Variants in DCC observed in about 807,000 individuals in gnomAD.
DCC encodes the protein DCC netrin 1 receptor.
DCC carries 58 observed loss-of-function variants against 172.5 expected under a neutral mutation model. The ratio of observed to expected loss-of-function variants is 0.34; its 90% CI spans 0.27 to 0.42. DCC has a LOEUF of 0.42. DCC is among the 10% of genes least tolerant of loss of function. DCC has a pLI of 1.00. For synonymous variants in DCC, 709 were observed against 644.5 expected (o/e 1.10, Z -1.52); for missense variants, 1,740 against 1,791.0 (o/e 0.97, Z 0.51).
intron 1 of DCC, among the ~76,000 whole-genome samples, chr18:52,437,341 T>C (rs971376889): frequency 1.3e-5 from 2 of 152,080 alleles, no homozygotes; most frequent in African/African-American, 4.8e-5. Context: ...ACTGGGGCTC[T>C]CCACAGGCTG....
chr18:52,448,855 T>C (rs1437846840), intron 1 of DCC, among the ~76,000 whole-genome samples: 1 of 152,216 alleles, frequency 6.6e-6, no homozygotes, highest in African/African-American at 2.4e-5. Flanking sequence ...TTAAAATGAT[T>C]TTGGAAAATA....
intron 2 of DCC, among the ~76,000 whole-genome samples, chr18:52,837,966 C>T (rs906404441): frequency 1.3e-5 from 2 of 152,074 alleles, no homozygotes; most frequent in Non-Finnish European, 2.9e-5. Context: ...AATGAATGCC[C>T]AGTGAAGGGG....
chr18:52,679,670 A>G (rs2035709499), intron 1 of DCC, among the ~76,000 whole-genome samples: 1 of 152,082 alleles, frequency 6.6e-6, no homozygotes, highest in Non-Finnish European at 1.5e-5. Context: ...ACAAAGTACC[A>G]CTTAGCCTTA....
intron 26 of DCC, among the ~76,000 whole-genome samples, chr18:53,489,787 C>A (rs1415966203): frequency 6.6e-6 from 1 of 152,156 alleles, no homozygotes; most frequent in Admixed American, 6.5e-5. Context: ...TATTCGCTGA[C>A]CTATCAGTAA....
At chr18:52,561,300 G>T (rs1598914339) in intron 1 of DCC, among the ~76,000 whole-genome samples, 1 of 151,612 alleles carries the variant, frequency 6.6e-6, no homozygotes. Flanking sequence ...GTGTGTATGT[G>T]TATATAGGCA....
At chr18:53,026,313 A>G (rs1161236490) in intron 5 of DCC, among the ~76,000 whole-genome samples, 2 of 151,890 alleles carry the variant, frequency 1.3e-5, no homozygotes, top group African/African-American at 4.8e-5. Context: ...ATCTCTCTTT[A>G]TTTGTCTTTT....
intron 5 of DCC, among the ~76,000 whole-genome samples, chr18:53,028,848 G>A (rs944279728): frequency 5.9e-5 from 9 of 152,128 alleles, no homozygotes; most frequent in Non-Finnish European, 1.3e-4. Flanking sequence ...ATTCAGAAAT[G>A]TCTCTCCTTA....
Position 53,168,780 on chromosome 18 carries a change from C to G in DCC, c.1419-10182C>G, listed in dbSNP as rs539737105. Reference sequence around the variant, plus strand: ...GAAAAGACAGAGAAGCTGACATGAACATAGGGGTCCTGGGGCAGGACGGCT... The same window carrying G: ...GAAAAGACAGAGAAGCTGACATGAAGATAGGGGTCCTGGGGCAGGACGGCT... On this transcript the variant is annotated intron_variant, in intron 8 of 28. Coordinates refer to ENST00000442544, the MANE Select transcript of DCC (RefSeq NM_005215.4). Among the ~76,000 whole-genome samples the G allele has an allele frequency of 5.9e-5, 9 of 152,082 alleles. 1 individual carries two copies. In the South Asian group the frequency reaches 1.7e-3, roughly 28 times the overall value.
At chr18:52,864,405 A>C (rs1282675122) in intron 2 of DCC, among the ~76,000 whole-genome samples, 1 of 152,228 alleles carries the variant, frequency 6.6e-6, no homozygotes, top group African/African-American at 2.4e-5. Context: ...GAACCTAGAG[A>C]AAGTTCAGAA....
intron 1 of DCC, among the ~76,000 whole-genome samples, chr18:52,465,630 G>A (rs1415717534): frequency 2.0e-5 from 3 of 152,110 alleles, no homozygotes; most frequent in Non-Finnish European, 4.4e-5. Context: ...AAGGCATTTT[G>A]CTTGAAGTCA....
intron 1 of DCC, among the ~76,000 whole-genome samples, chr18:52,494,829 A>G (rs571655861): frequency 1.5e-3 from 230 of 152,220 alleles, no homozygotes; most frequent in Non-Finnish European, 2.5e-3. Flanking sequence ...TATTTTAAAA[A>G]TTGCATGTTA....
chr18:52,593,798 T>C (rs2033850973), intron 1 of DCC, among the ~76,000 whole-genome samples: 1 of 152,212 alleles, frequency 6.6e-6, no homozygotes, highest in Non-Finnish European at 1.5e-5. Flanking sequence ...CAGCTGAACA[T>C]GCATCTAGAC....
At chr18:53,296,058 T>C (rs1199526081) in intron 12 of DCC, among the ~76,000 whole-genome samples, 1 of 152,146 alleles carries the variant, frequency 6.6e-6, no homozygotes, top group Non-Finnish European at 1.5e-5. Context: ...GTTACAAAAG[T>C]GTTGCTAGAC....
intron 17 of DCC, among the ~76,000 whole-genome samples, chr18:53,392,824 A>G (rs1026813850): frequency 6.6e-6 from 1 of 152,198 alleles, no homozygotes; most frequent in Non-Finnish European, 1.5e-5. Flanking sequence ...CTATGGATAA[A>G]CTTAAAAGAA....
chr18:52,558,866 T>C (rs886828308), intron 1 of DCC, among the ~76,000 whole-genome samples: 2 of 152,156 alleles, frequency 1.3e-5, no homozygotes, highest in African/African-American at 4.8e-5. Flanking sequence ...GTTAGAAATA[T>C]AGAATTTTAG....
At chr18:53,151,189 C>A (rs1417237225) in intron 7 of DCC, among the ~76,000 whole-genome samples, 1 of 152,142 alleles carries the variant, frequency 6.6e-6, no homozygotes, top group African/African-American at 2.4e-5. Context: ...AATTCCATAG[C>A]ACTATTATTA....
chr18:52,611,665 C>A (rs1419053534), intron 1 of DCC, among the ~76,000 whole-genome samples: 3 of 152,196 alleles, frequency 2.0e-5, no homozygotes, highest in Non-Finnish European at 4.4e-5. Context: ...TTCAAATCTA[C>A]TTTAGAATTC....
chr18:53,207,307 T>G (rs959917601), intron 10 of DCC, among the ~76,000 whole-genome samples: 3 of 152,194 alleles, frequency 2.0e-5, no homozygotes, highest in African/African-American at 4.8e-5. Context: ...CAAAATCTAT[T>G]ATTTCTTGGT....
intron 19 of DCC, among the ~76,000 whole-genome samples, chr18:53,407,360 G>A (rs991591705): frequency 6.6e-6 from 1 of 150,964 alleles, no homozygotes. Context: ...AGATTTTTGG[G>A]GGGAATAAAA....
Sources: gnomAD v4.1 joint callset for allele counts (sites outside exome capture counted in the v4.1 genomes callset) on GRCh38, gnomAD v4.1.1 for gene constraint, MANE v1.5 for transcripts, NCBI Gene and HGNC (gene_info 2026-07-23, HGNC 2026-07-21) for gene names.